KIF17: variants seen among roughly 807,000 people sequenced by gnomAD.
KIF17 encodes kinesin family member 17.
A neutral mutation model predicts 96.8 loss-of-function variants in KIF17; 80 were observed. That is an observed-to-expected ratio of 0.83 (90% CI 0.69 to 1.00). The LOEUF is 1.00. Ranked by LOEUF, KIF17 falls within the 50% of genes least tolerant of loss-of-function variation. KIF17 has a pLI of 0.00. For missense variants in KIF17, 1,280 were observed against 1,372.9 expected (o/e 0.93, Z 1.07); for synonymous variants, 567 against 587.5 (o/e 0.97, Z 0.51).
At chr1:20,712,626 A>ATATTATCTATATATAATATAGATAATAT (rs1244201600) in intron 3 of KIF17, among the ~76,000 whole-genome samples, 2 of 17,442 alleles carry the variant, frequency 1.1e-4, no homozygotes, top group Non-Finnish European at 3.3e-4. Context: ...AATATAGATA[A>ATATTATCTATATATAATATAGATAATAT]TATCTATATA....
rs118040231 is a variant in KIF17, at chr1:20,665,740, G to A, written c.2908+474C>T. Among the ~76,000 whole-genome samples, 25 of 152,274 alleles carry A rather than the reference G, an allele frequency of 1.6e-4. No homozygotes were observed. The East Asian group carries it at 3.9e-3, about 23-fold the overall frequency. On this transcript the variant is annotated intron_variant, in intron 14 of 14. Transcript: ENST00000400463. ...ATTGCTATTTTATTGGAAGCTCTGC[G>A]GGCTTTGCTTTCAGTTTTAAAAGCA...
chr1:20,713,433 C>T lies in KIF17; in HGVS notation c.480+21G>A, dbSNP rs761825383. The T allele has an allele frequency of 1.9e-6, 3 of 1,589,720 alleles. No individual in the cohort carries two copies. In the South Asian group the frequency reaches 3.3e-5, roughly 18 times the overall value. On this transcript the variant is annotated intron_variant, in intron 3 of 14. Coordinates refer to ENST00000400463, the MANE Select transcript of KIF17 (RefSeq NM_001122819.3). ...CCTCCCCCCTACCAGCCCCACCTGC[C>T]CACAATGGGTCTGCACCCACCTCCA...
At chr1:20,669,943 G>A (rs1401818718) in intron 13 of KIF17, among the ~76,000 whole-genome samples, 6 of 121,658 alleles carry the variant, frequency 4.9e-5, no homozygotes, top group Non-Finnish European at 9.9e-5. Context: ...ATGCATTTCT[G>A]TTGCACTATA....
Position 20,685,914 on chromosome 1 carries a change from GA to G in KIF17, c.2019+131del, listed in dbSNP as rs1286995946. 9 of 779,054 alleles carry G rather than the reference GA, an allele frequency of 1.2e-5. No individual in the cohort carries two copies. The highest frequency in any genetic ancestry group is 2.0e-5 in the Non-Finnish European group (9 of 454,420). The allele number at this position is 779,054 out of a possible 1,614,324, so 48.3% of individuals were successfully genotyped here. A position where few individuals can be genotyped will look rare whatever the true frequency, so the allele number is the denominator to read the frequency against. ...CCTGGCCACGGGCCACAAGCCCGGG[GA>G]AGGCTGGAGTTGTTGTTCTCAGCTC... On this transcript the variant is annotated intron_variant, in intron 9 of 14. Coordinates refer to ENST00000400463, the MANE Select transcript of KIF17 (RefSeq NM_001122819.3). The surrounding 1 kb of genome is among the most constrained non-coding windows in gnomAD (Gnocchi z 4.1).
At chr1:20,673,820 C>T (rs1274687418) in intron 11 of KIF17, among the ~76,000 whole-genome samples, 5 of 152,044 alleles carry the variant, frequency 3.3e-5, no homozygotes, top group African/African-American at 9.7e-5. Context: ...TGAGCCACCG[C>T]GCCCGGCCCT....
intron 1 of KIF17, 90 bp from the exon 2 acceptor site, chr1:20,715,729 C>T (rs1392559706): frequency 1.3e-6 from 2 of 1,483,376 alleles, no homozygotes; most frequent in Non-Finnish European, 1.9e-6. Flanking sequence ...ACTCAGGGCC[C>T]TTCCTGGTCC....
chr1:20,669,906 A>C (rs553532984), intron 13 of KIF17, among the ~76,000 whole-genome samples: 168 of 111,220 alleles, frequency 1.5e-3, no homozygotes, highest in Middle Eastern at 4.4e-3. Flanking sequence ...AAAAAAAAAC[A>C]ACCACCACCA....
intron 5 of KIF17, among the ~76,000 whole-genome samples, chr1:20,701,389 C>A (rs641870): frequency 0.023 from 3,427 of 152,244 alleles, 136 homozygotes; most frequent in African/African-American, 0.077. Flanking sequence ...GGAGATCGCG[C>A]CACTGCACTC....
chr1:20,671,578 G>T (rs2053648183), intron 12 of KIF17, among the ~76,000 whole-genome samples: 1 of 151,874 alleles, frequency 6.6e-6, no homozygotes, highest in South Asian at 2.1e-4. Flanking sequence ...CAAGCAATCT[G>T]CCAGCCTTAG....
At chr1:20,668,020 A>G (rs1326198501) in intron 13 of KIF17, among the ~76,000 whole-genome samples, 1 of 149,284 alleles carries the variant, frequency 6.7e-6, no homozygotes, top group East Asian at 2.0e-4. Flanking sequence ...CAAAAAAAAA[A>G]AAAGAGGTGG....
In KIF17 at chr1:20,666,331, C is replaced by G; in HGVS notation, c.2791G>C (p.Glu931Gln). 1 of 1,610,600 alleles carries G rather than the reference C, an allele frequency of 6.2e-7. No individual in the cohort carries two copies. The highest frequency in any genetic ancestry group is 8.5e-7 in the Non-Finnish European group (1 of 1,176,716). ...AGCATGAGCCTGTAGCGGTCGTCCT[C>G]CTGCCGAGATGCAGATGCCCGTGGT... is the stretch of plus-strand genomic sequence containing the variant. Reference protein sequence around the residue: ...SAADNGEPNMEDDRYRLMLSR... With the variant: ...SAADNGEPNMQDDRYRLMLSR... The change falls in exon 14 of 15, where the codon GAG becomes CAG. Residue 931 changes from glutamate to glutamine, a missense_variant and splice_region_variant. Coordinates refer to ENST00000400463, the MANE Select transcript of KIF17 (RefSeq NM_001122819.3).
At position 20,686,083 on chromosome 1, in the gene KIF17, G is replaced by C; in HGVS notation, c.1982C>G (p.Pro661Arg). 1 of 1,565,224 alleles carries C rather than the reference G, an allele frequency of 6.4e-7. No homozygotes were observed. The highest frequency in any genetic ancestry group is 8.7e-7 in the Non-Finnish European group (1 of 1,154,576). The part of the protein sequence containing the change: ...TDLLEPSDAR[P>R]EAEAADDFPP... ...GAAGTCATCAGCCGCCTCGGCTTCG[G>C]GCCTGGCATCACTGGGCTCCAGCAG... The change falls in exon 9 of 15, where the codon CCC (proline) becomes CGC (arginine). Residue 661 changes from proline (P) to arginine (R), a missense_variant. By Grantham distance (103) the Pro-to-Arg change is moderately radical. Coordinates refer to ENST00000400463, the MANE Select transcript of KIF17 (RefSeq NM_001122819.3).
chr1:20,675,816 A>G (rs2053728568), intron 11 of KIF17, among the ~76,000 whole-genome samples: 1 of 152,110 alleles, frequency 6.6e-6, no homozygotes, highest in Non-Finnish European at 1.5e-5. Flanking sequence ...ATGTCTTTCC[A>G]TTTATTTTGG....
rs370580502 is a variant in KIF17, at chr1:20,715,488, C to G, written c.378+5G>C. On this transcript the variant is annotated splice_donor_5th_base_variant and intron_variant, in intron 2 of 14. Coordinates refer to ENST00000400463, the MANE Select transcript of KIF17 (RefSeq NM_001122819.3). ...CCCTGCCCCTTCCCTCTGCGAGGCC[C>G]GTACCTGGACGCTCTCGAACACGTG... The G allele has an allele frequency of 6.2e-7, 1 of 1,611,916 alleles. No individual in the cohort carries two copies. The highest frequency in any genetic ancestry group is 8.5e-7 in the Non-Finnish European group (1 of 1,180,000).
intron 11 of KIF17, among the ~76,000 whole-genome samples, chr1:20,679,543 T>TGGGAGAAGAGATGC (rs1553149769): frequency 1.3e-5 from 2 of 152,014 alleles, no homozygotes; most frequent in African/African-American, 4.8e-5. Context: ...AGGAGAGATG[T>TGGGAGAAGAGATGC]GGTAGAAGAG....
chr1:20,712,897 T>TA (rs71010600), intron 3 of KIF17, among the ~76,000 whole-genome samples: 6 of 52,336 alleles, frequency 1.1e-4, no homozygotes, highest in Non-Finnish European at 2.0e-4. Context: ...ATAGATAATA[T>TA]TATCTATATT....
intron 11 of KIF17, among the ~76,000 whole-genome samples, chr1:20,679,187 C>A (rs554769796): frequency 6.6e-6 from 1 of 152,136 alleles, no homozygotes; most frequent in Admixed American, 6.6e-5. Flanking sequence ...CGCCTGCAGT[C>A]CCAGCTACCT....
At chr1:20,716,798 T>G (rs2054585949) in intron 1 of KIF17, among the ~76,000 whole-genome samples, 1 of 152,226 alleles carries the variant, frequency 6.6e-6, no homozygotes, top group South Asian at 2.1e-4. Flanking sequence ...ACAGGGACTA[T>G]GCTCAGCCTA....
chr1:20,717,579 C>G lies in KIF17; in HGVS notation c.128G>C (p.Gly43Ala), dbSNP rs1242146201. ...CTGCTTGGGCGGCTCGTCGGCGGCG[C>G]CCGGGTTCTGGATGCAGCACTGGGC... ...ARAQCCIQNP[G>A]AADEPPKQFT... Residue 43 changes from glycine to alanine, a missense_variant, in exon 1 of 15, where the codon GGC (glycine) becomes GCC (alanine). Gly to Ala is a moderately conservative substitution (Grantham distance 60). Coordinates refer to ENST00000400463, the MANE Select transcript of KIF17 (RefSeq NM_001122819.3). The G allele has an allele frequency of 6.2e-7, 1 of 1,611,694 alleles. No individual in the cohort carries two copies. The highest frequency in any genetic ancestry group is 1.7e-5 in the Admixed American group (1 of 59,978).
Sources: gnomAD v4.1 joint callset for allele counts (sites outside exome capture counted in the v4.1 genomes callset) on GRCh38, gnomAD v4.1.1 for gene constraint, Gnocchi (gnomAD v3.1) non-coding constraint, MANE v1.5 for transcripts, NCBI Gene and HGNC (gene_info 2026-07-23, HGNC 2026-07-21) for gene names.